The following EPB41L4A variants were observed in gnomAD, a reference collection of about 807,000 sequenced individuals.
EPB41L4A encodes erythrocyte membrane protein band 4.1 like 4A.
A neutral mutation model predicts 108.6 loss-of-function variants in EPB41L4A; 100 were observed. The ratio of observed to expected loss-of-function variants is 0.92; its 90% CI spans 0.78 to 1.09. EPB41L4A has a LOEUF of 1.09. EPB41L4A is among the 50% of genes least tolerant of loss of function. The probability of loss-of-function intolerance (pLI) is 0.00; values close to 1 mark genes in which losing one functional copy is unlikely to be tolerated. For missense variants in EPB41L4A, 1,030 were observed against 842.7 expected (o/e 1.22, Z -2.75); for synonymous variants, 319 against 289.0 (o/e 1.10, Z -1.05).
intron 1 of EPB41L4A, among the ~76,000 whole-genome samples, chr5:112,387,485 C>T (rs945729029): frequency 6.6e-6 from 1 of 152,060 alleles, no homozygotes; most frequent in Non-Finnish European, 1.5e-5. Flanking sequence ...AAAAATTAGC[C>T]AGGCATGGTG....
intron 12 of EPB41L4A, among the ~76,000 whole-genome samples, chr5:112,214,175 T>G (rs1747440797): frequency 6.6e-6 from 1 of 152,202 alleles, no homozygotes; most frequent in Non-Finnish European, 1.5e-5. Context: ...CAGAGAAAAG[T>G]GACCTGACAA....
intron 1 of EPB41L4A, among the ~76,000 whole-genome samples, chr5:112,414,611 A>C (rs1411049978): frequency 6.6e-6 from 1 of 152,214 alleles, no homozygotes; most frequent in Non-Finnish European, 1.5e-5. Context: ...CAAAAAGTGT[A>C]GTTCACTATC....
Position 112,146,459 on chromosome 5 carries a change from T to C in EPB41L4A, n.995-461A>G, listed in dbSNP as rs187958783. On this transcript the variant is annotated intron_variant and non_coding_transcript_variant, in intron 12 of 13. Transcript: ENST00000507810. ...ACAGGAGCAGAGGATCTTCCAACGC[T>C]GTTTGCGCTCCCCAAAGACTCTTGC... Among the ~76,000 whole-genome samples, 430 of 152,352 alleles carry C rather than the reference T, an allele frequency of 2.8e-3. 6 individuals carry two copies. The highest frequency in any genetic ancestry group is 9.8e-3 in the African/African-American group (406 of 41,592).
At position 112,352,643 on chromosome 5, in the gene EPB41L4A, C is replaced by T. The variant is rs185086342; in HGVS notation, c.100-45153G>A. 3.2e-3 allele frequency among the ~76,000 whole-genome samples: 493 copies of T among 152,070 alleles called. 2 individuals are homozygous for T. Among genetic ancestry groups the T allele is most frequent in the African/African-American group, 0.011 (467 of 41,498 alleles). On this transcript the variant is annotated intron_variant, in intron 1 of 22. Coordinates refer to ENST00000261486, the MANE Select transcript of EPB41L4A (RefSeq NM_022140.5). ...TTATTCCTGTTGTTTTGTTGTTTTC[C>T]GTTTTGTTTATCTTTCATTCCTTTC...
chr5:112,341,860 G>GA (rs1189856267), intron 1 of EPB41L4A, among the ~76,000 whole-genome samples: 1 of 151,882 alleles, frequency 6.6e-6, no homozygotes, highest in Non-Finnish European at 1.5e-5. Context: ...GTATCAAAAA[G>GA]AAAAATGGAA....
At position 112,326,293 on chromosome 5, in the gene EPB41L4A, C is replaced by T. The variant is rs968141514; in HGVS notation, c.100-18803G>A. 7.2e-5 allele frequency among the ~76,000 whole-genome samples: 11 copies of T among 152,074 alleles called. No homozygotes were observed. The East Asian group carries it at 1.5e-3, about 21-fold the overall frequency. On this transcript the variant is annotated intron_variant, in intron 1 of 22. Coordinates refer to ENST00000261486, the MANE Select transcript of EPB41L4A (RefSeq NM_022140.5). ...TCCACCTCAAAGGCATGCCAAACCCCGCATCCAGAAGGAAATTCCATCACA... is the reference window on the plus strand; with the variant it reads ...TCCACCTCAAAGGCATGCCAAACCCTGCATCCAGAAGGAAATTCCATCACA...
chr5:112,262,535 T>C lies in EPB41L4A; in HGVS notation c.601A>G (p.Lys201Glu). The change falls in exon 7 of 23, where the codon AAA (lysine) becomes GAA (glutamate). Residue 201 changes from lysine to glutamate, a missense_variant. Transcript: ENST00000261486. ...TCAACGCCATACATCTCCAGGGATT[T>C]GGCAGTCCTCAAGTAATTCAGCTCA... ...EAELNYLRTA[K>E]SLEMYGVDLH... 1 of 1,614,136 alleles carries C rather than the reference T, an allele frequency of 6.2e-7. No homozygotes were observed. Among genetic ancestry groups the C allele is most frequent in the Non-Finnish European group, 8.5e-7 (1 of 1,180,006 alleles).
intron 9 of EPB41L4A, among the ~76,000 whole-genome samples, chr5:112,243,034 C>A (rs777656555): frequency 6.6e-6 from 1 of 151,780 alleles, no homozygotes; most frequent in Non-Finnish European, 1.5e-5. Flanking sequence ...GCCAACATGG[C>A]GAAACCACAT....
intron 3 of EPB41L4A, among the ~76,000 whole-genome samples, chr5:112,278,566 A>G (rs1580595066): frequency 6.6e-6 from 1 of 152,212 alleles, no homozygotes; most frequent in South Asian, 2.1e-4. Context: ...AATTTTTAAT[A>G]TTGCATTTTT....
intron 3 of EPB41L4A, among the ~76,000 whole-genome samples, chr5:112,279,812 C>G (rs1752850116): frequency 6.6e-6 from 1 of 152,088 alleles, no homozygotes; most frequent in South Asian, 2.1e-4. Context: ...GACCACTTTT[C>G]AGATCACAAA....
chr5:112,398,968 T>C (rs2112730715), intron 1 of EPB41L4A, among the ~76,000 whole-genome samples: 1 of 151,918 alleles, frequency 6.6e-6, no homozygotes, highest in South Asian at 2.1e-4. Flanking sequence ...ACATCTTAAT[T>C]AGAGCCAGAG....
chr5:112,161,643 T>C (rs958220527), downstream of EPB41L4A: 7 of 518,782 alleles, frequency 1.3e-5, no homozygotes, highest in Non-Finnish European at 2.7e-5. Context: ...CCACGCGTGA[T>C]CTTGACCCTG....
chr5:112,162,366 T>C (rs1338107957), downstream of EPB41L4A: 1 of 152,216 alleles, frequency 6.6e-6, no homozygotes, highest in Non-Finnish European at 1.5e-5. Context: ...TAAAAAGTTA[T>C]AAGGGAGGAG....
intron 1 of EPB41L4A, among the ~76,000 whole-genome samples, chr5:112,401,426 T>G (rs1333615285): frequency 6.6e-6 from 1 of 152,236 alleles, no homozygotes; most frequent in Non-Finnish European, 1.5e-5. Flanking sequence ...AAGAGGAAAC[T>G]AATTCTCAAT....
At chr5:112,283,050 A>G (rs1468937640) in intron 2 of EPB41L4A, among the ~76,000 whole-genome samples, 2 of 152,194 alleles carry the variant, frequency 1.3e-5, no homozygotes, top group Non-Finnish European at 2.9e-5. Flanking sequence ...CATTAATGAT[A>G]ATCTGTTCTA....
intron 2 of EPB41L4A, among the ~76,000 whole-genome samples, chr5:112,306,734 T>C (rs1457912593): frequency 2.6e-5 from 4 of 152,176 alleles, no homozygotes; most frequent in Non-Finnish European, 5.9e-5. Flanking sequence ...CATTAATAAA[T>C]ATCCTTTCGT....
chr5:112,361,048 T>G (rs1299684914), intron 1 of EPB41L4A, among the ~76,000 whole-genome samples: 2 of 152,128 alleles, frequency 1.3e-5, no homozygotes, highest in East Asian at 3.9e-4. Flanking sequence ...GAACGGGCCA[T>G]GATGACGATG....
At position 112,223,332 on chromosome 5, in the gene EPB41L4A, T is replaced by G. The variant is rs143287972; in HGVS notation, c.1087+11302A>C. Among the ~76,000 whole-genome samples the G allele has an allele frequency of 4.2e-3, 639 of 152,212 alleles. 9 individuals carry two copies. The highest frequency in any genetic ancestry group is 0.029 in the Admixed American group (446 of 15,284). On this transcript the variant is annotated intron_variant, in intron 12 of 22. Transcript: ENST00000261486. ...CTGAGAACCCCCAAAATCTTTAACATTGATATTAATAAGTAATGAGTAACT... is the reference window on the plus strand; with the variant it reads ...CTGAGAACCCCCAAAATCTTTAACAGTGATATTAATAAGTAATGAGTAACT...
At chr5:112,379,206 G>T (rs1388590501) in intron 1 of EPB41L4A, among the ~76,000 whole-genome samples, 2 of 152,072 alleles carry the variant, frequency 1.3e-5, no homozygotes, top group African/African-American at 4.8e-5. Flanking sequence ...CCCCCATTTA[G>T]AATTTTTGCT....
Sources: gnomAD v4.1 joint callset for allele counts (sites outside exome capture counted in the v4.1 genomes callset) on GRCh38, gnomAD v4.1.1 for gene constraint, MANE v1.5 for transcripts, NCBI Gene and HGNC (gene_info 2026-07-23, HGNC 2026-07-21) for gene names.